CDK14: variants seen among roughly 807,000 people sequenced by gnomAD.
The protein encoded by CDK14 is cyclin-dependent kinase 14.
In CDK14, 34 loss-of-function variants were observed where a neutral mutation model predicts 60.7. That is an observed-to-expected ratio of 0.56 (90% CI 0.43 to 0.75). The LOEUF (loss-of-function observed/expected upper bound fraction) is 0.75, where lower values mean the gene tolerates loss of function less well. CDK14 is among the 30% of genes least tolerant of loss of function. The pLI, the probability that CDK14 is intolerant of heterozygous loss-of-function variation, is 0.00. For missense variants in CDK14, 482 were observed against 564.1 expected (o/e 0.85, Z 1.47); for synonymous variants, 197 against 203.7 (o/e 0.97, Z 0.28).
chr7:90,731,678 G>C lies in CDK14; in HGVS notation c.369+4866G>C, dbSNP rs548639270. Among the ~76,000 whole-genome samples, 6 of 152,232 alleles carry C rather than the reference G, an allele frequency of 3.9e-5. No individual in the cohort carries two copies. The East Asian group carries it at 9.7e-4, about 25-fold the overall frequency. On this transcript the variant is annotated intron_variant, in intron 3 of 14. Coordinates refer to ENST00000380050, the MANE Select transcript of CDK14 (RefSeq NM_001287135.2). ...GTGTATAGGAATGCTTGTGATTTTT[G>C]CACATTGATTTTTTATCCTGAGACT...
intron 10 of CDK14, among the ~76,000 whole-genome samples, chr7:91,004,407 C>A (rs1554402307): frequency 1.3e-5 from 2 of 152,098 alleles, no homozygotes; most frequent in Non-Finnish European, 2.9e-5. Context: ...AATATACAAA[C>A]CTATTAAAGC....
chr7:90,785,973 G>C (rs529707353), intron 4 of CDK14, among the ~76,000 whole-genome samples: 1 of 152,212 alleles, frequency 6.6e-6, no homozygotes, highest in East Asian at 1.9e-4. Context: ...GGCTCTACCT[G>C]GCTACCCAGT....
At chr7:90,945,317 C>T (rs754771342) in intron 8 of CDK14, among the ~76,000 whole-genome samples, 1 of 152,250 alleles carries the variant, frequency 6.6e-6, no homozygotes, top group African/African-American at 2.4e-5. Flanking sequence ...AAATACCTTT[C>T]GAGTTAGATG....
At chr7:90,836,222 T>A (rs1790093051) in intron 5 of CDK14, among the ~76,000 whole-genome samples, 1 of 152,112 alleles carries the variant, frequency 6.6e-6, no homozygotes, top group South Asian at 2.1e-4. Flanking sequence ...TTATAAACTT[T>A]GTAATTAGAA....
chr7:90,643,137 G>A (rs1800379628), intron 2 of CDK14, among the ~76,000 whole-genome samples: 1 of 152,182 alleles, frequency 6.6e-6, no homozygotes, highest in South Asian at 2.1e-4. Flanking sequence ...CAAAAGATGA[G>A]CAGACCTTTG....
chr7:91,035,681 TATATC>T (rs1414408591), intron 10 of CDK14, among the ~76,000 whole-genome samples: 1 of 151,406 alleles, frequency 6.6e-6, no homozygotes, highest in Non-Finnish European at 1.5e-5. Flanking sequence ...TTCTGACTAG[TATATC>T]ATATGATTAA....
intron 6 of CDK14, among the ~76,000 whole-genome samples, chr7:90,885,116 C>T (rs984384557): frequency 1.3e-5 from 2 of 152,122 alleles, no homozygotes; most frequent in Non-Finnish European, 2.9e-5. Flanking sequence ...AGCTTCTGCA[C>T]AGCAAAAGAA....
At position 90,911,538 on chromosome 7, in the gene CDK14, C is replaced by G. The variant is rs926049845; in HGVS notation, c.703-6063C>G. Among the ~76,000 whole-genome samples the G allele has an allele frequency of 2.0e-5, 3 of 152,166 alleles. No homozygotes were observed. In the East Asian group the frequency reaches 5.8e-4, roughly 29 times the overall value. On this transcript the variant is annotated intron_variant, in intron 7 of 14. Coordinates refer to ENST00000380050, the MANE Select transcript of CDK14 (RefSeq NM_001287135.2). ...GCACATTCCTTAAAAGAAGTTGACA[C>G]ACGCCCTGAAAAATCTACAAGATAT...
intron 12 of CDK14, among the ~76,000 whole-genome samples, chr7:91,097,825 G>A (rs1054511016): frequency 4.6e-5 from 7 of 152,256 alleles, no homozygotes; most frequent in South Asian, 2.1e-4. Context: ...TCGCTAGCAC[G>A]TAGTAAACCA....
At chr7:91,203,820 G>A (rs1463249280) in intron 14 of CDK14, among the ~76,000 whole-genome samples, 1 of 152,182 alleles carries the variant, frequency 6.6e-6, no homozygotes, top group Non-Finnish European at 1.5e-5. Flanking sequence ...AAATGTGCTT[G>A]AAGTACTATG....
intron 6 of CDK14, among the ~76,000 whole-genome samples, chr7:90,877,111 T>C (rs979909837): frequency 6.6e-6 from 1 of 152,212 alleles, no homozygotes; most frequent in African/African-American, 2.4e-5. Flanking sequence ...TACATATTCA[T>C]ACATTTGACA....
At chr7:90,871,977 T>G (rs1258185826) in intron 6 of CDK14, among the ~76,000 whole-genome samples, 1 of 152,212 alleles carries the variant, frequency 6.6e-6, no homozygotes, top group African/African-American at 2.4e-5. Flanking sequence ...CTCATTATGG[T>G]CATTCACTTA....
At chr7:91,094,769 T>C (rs1005826412) in intron 12 of CDK14, among the ~76,000 whole-genome samples, 17 of 152,132 alleles carry the variant, frequency 1.1e-4, no homozygotes, top group Non-Finnish European at 1.6e-4. Flanking sequence ...AATAACACTT[T>C]AATGCAATAT....
chr7:90,770,209 A>C (rs1562761103), intron 4 of CDK14, among the ~76,000 whole-genome samples: 1 of 152,252 alleles, frequency 6.6e-6, no homozygotes, highest in Non-Finnish European at 1.5e-5. Flanking sequence ...AGTAGCTTAG[A>C]TGTTTTTAAC....
intron 5 of CDK14, among the ~76,000 whole-genome samples, chr7:90,806,398 G>C (rs1562778351): frequency 6.6e-6 from 1 of 152,070 alleles, no homozygotes; most frequent in African/African-American, 2.4e-5. Flanking sequence ...AATATATAAA[G>C]AGGTCCAAAA....
intron 10 of CDK14, among the ~76,000 whole-genome samples, chr7:91,017,999 A>C (rs996589212): frequency 6.6e-6 from 1 of 152,230 alleles, no homozygotes; most frequent in Non-Finnish European, 1.5e-5. Flanking sequence ...AAATGTGACC[A>C]TGTTTCCTAA....
chr7:91,084,941 T>C (rs188949057), intron 12 of CDK14, among the ~76,000 whole-genome samples: 1 of 152,230 alleles, frequency 6.6e-6, no homozygotes, highest in Non-Finnish European at 1.5e-5. Flanking sequence ...TAGAGGCAGC[T>C]GGGCTGCTCA....
chr7:90,824,764 C>G (rs1789665239), intron 5 of CDK14: 1 of 152,036 alleles, frequency 6.6e-6, no homozygotes, highest in Non-Finnish European at 1.5e-5. Context: ...TCAAGTGCAA[C>G]AAAGTAAGTT....
At chr7:91,030,619 A>G (rs1796734662) in intron 10 of CDK14, among the ~76,000 whole-genome samples, 1 of 152,166 alleles carries the variant, frequency 6.6e-6, no homozygotes, top group African/African-American at 2.4e-5. Context: ...TGTGAAGAAG[A>G]GAAAGAAAAT....
Sources: allele counts gnomAD v4.1 joint callset (sites outside exome capture counted in the v4.1 genomes callset), GRCh38; gene constraint gnomAD v4.1.1; transcripts MANE v1.5; gene names NCBI Gene and HGNC (gene_info 2026-07-23, HGNC 2026-07-21).